Variants in SAMD5 observed in about 807,000 individuals in gnomAD.
The protein encoded by SAMD5 is sterile alpha motif domain-containing protein 5.
A neutral mutation model predicts 11.3 loss-of-function variants in SAMD5; 13 were observed. The ratio of observed to expected loss-of-function variants is 1.15; its 90% confidence interval spans 0.75 to 1.83. The LOEUF (loss-of-function observed/expected upper bound fraction) is 1.83, where lower values mean the gene tolerates loss of function less well. Ranked by LOEUF, SAMD5 falls within the 40% of genes most tolerant of loss-of-function variation. The pLI, the probability that SAMD5 is intolerant of heterozygous loss-of-function variation, is 0.00. For synonymous variants in SAMD5, 129 were observed against 111.3 expected, an observed-to-expected ratio of 1.16 and a Z score of -1.00; for missense variants, 255 against 239.1, an observed-to-expected ratio of 1.07 and a Z score of -0.44.
intron 1 of SAMD5, among the ~76,000 whole-genome samples, chr6:147,536,803 A>G (rs1788516441): frequency 6.6e-6 from 1 of 152,076 alleles, no homozygotes; most frequent in African/African-American, 2.4e-5. Flanking sequence ...TGGAATATAT[A>G]TAATAACATA....
At chr6:147,812,597 C>T in the SAMD5 span, among the ~76,000 whole-genome samples, 2 of 151,994 alleles carry the variant, frequency 1.3e-5, no homozygotes. Context: ...TTTAAAACCC[C>T]TGTCCAAGCC....
chr6:147,638,917 T>C (rs1390398002), intron 1 of SAMD5, among the ~76,000 whole-genome samples: 1 of 152,240 alleles, frequency 6.6e-6, no homozygotes, highest in Non-Finnish European at 1.5e-5. Context: ...GCTAGTGTTT[T>C]CTAATATGTT....
intron 1 of SAMD5, among the ~76,000 whole-genome samples, chr6:147,626,379 C>CT (rs879585437): frequency 0.011 from 1,617 of 146,834 alleles, 33 homozygotes; most frequent in African/African-American, 0.038. Flanking sequence ...AATTGCTTTC[C>CT]TTTTTTTTTT....
chr6:147,934,863 C>A, the SAMD5 span, among the ~76,000 whole-genome samples: 1 of 152,062 alleles, frequency 6.6e-6, no homozygotes. Context: ...GATATGTCAG[C>A]TTTTGAGTCA....
the SAMD5 span, among the ~76,000 whole-genome samples, chr6:147,898,212 A>G: frequency 1.8e-4 from 28 of 152,300 alleles, no homozygotes; most frequent in South Asian, 1.7e-3. Flanking sequence ...ACAGCGTGAT[A>G]TATGACTGCC....
chr6:147,541,344 A>C (rs1020194784), intron 1 of SAMD5, among the ~76,000 whole-genome samples: 7 of 152,216 alleles, frequency 4.6e-5, no homozygotes, highest in Admixed American at 6.5e-5. Flanking sequence ...AGTGGGCTGC[A>C]GGGGAGATCA....
chr6:147,578,964 G>A (rs376118744), intron 1 of SAMD5, among the ~76,000 whole-genome samples: 41 of 152,340 alleles, frequency 2.7e-4, no homozygotes, highest in South Asian at 1.0e-3. Context: ...AGTTCTATGC[G>A]TAGTAAATGT....
chr6:147,639,359 T>C (rs1472435295), intron 1 of SAMD5, among the ~76,000 whole-genome samples: 3 of 152,198 alleles, frequency 2.0e-5, no homozygotes, highest in Non-Finnish European at 4.4e-5. Context: ...GATATTAAAG[T>C]TTTATTCTAT....
chr6:147,908,958 C>T, the SAMD5 span, among the ~76,000 whole-genome samples: 2 of 152,118 alleles, frequency 1.3e-5, no homozygotes, highest in African/African-American at 4.8e-5. Flanking sequence ...ACTATAATCC[C>T]AGCACTTTGG....
chr6:147,637,986 G>C (rs1368154905), intron 1 of SAMD5, among the ~76,000 whole-genome samples: 1 of 151,668 alleles, frequency 6.6e-6, no homozygotes, highest in Non-Finnish European at 1.5e-5. Flanking sequence ...GAAAATTAGA[G>C]TGTGTTAGCA....
the SAMD5 span, among the ~76,000 whole-genome samples, chr6:147,923,444 G>A: frequency 1.3e-5 from 2 of 152,182 alleles, no homozygotes; most frequent in Admixed American, 1.3e-4. Flanking sequence ...CAATGAGAAT[G>A]TGCCAAGGTC....
At chr6:147,639,965 A>G (rs940296633) in intron 1 of SAMD5, among the ~76,000 whole-genome samples, 5 of 152,084 alleles carry the variant, frequency 3.3e-5, no homozygotes, top group Non-Finnish European at 7.4e-5. Flanking sequence ...TAGAGATGGG[A>G]GAAAGGAGTA....
At chr6:147,918,117 G>A in the SAMD5 span, among the ~76,000 whole-genome samples, 2 of 152,140 alleles carry the variant, frequency 1.3e-5, no homozygotes, top group South Asian at 4.1e-4. Context: ...TAGCTTGATG[G>A]GGATGGCATT....
chr6:147,693,474 G>T (rs1410992708), intron 1 of SAMD5, among the ~76,000 whole-genome samples: 2 of 152,238 alleles, frequency 1.3e-5, no homozygotes, highest in East Asian at 3.9e-4. Flanking sequence ...AAGGGGCAGA[G>T]AGGGGAGGAG....
intron 1 of SAMD5, among the ~76,000 whole-genome samples, chr6:147,618,419 C>A (rs1452663685): frequency 6.6e-6 from 1 of 152,112 alleles, no homozygotes; most frequent in African/African-American, 2.4e-5. Context: ...AGCAGATTCC[C>A]AGAGATTGGG....
the SAMD5 span, among the ~76,000 whole-genome samples, chr6:147,766,056 A>T: frequency 3.3e-5 from 5 of 151,882 alleles, no homozygotes; most frequent in Non-Finnish European, 5.9e-5. Context: ...AAAAAGAAAC[A>T]GAGACCAAGG....
the SAMD5 span, among the ~76,000 whole-genome samples, chr6:147,884,207 A>G: frequency 6.6e-6 from 1 of 152,204 alleles, no homozygotes; most frequent in South Asian, 2.1e-4. Context: ...TACAGTTGGC[A>G]AAGAGAACTG....
chr6:147,877,886 G>GCT, the SAMD5 span, among the ~76,000 whole-genome samples: 17 of 44,698 alleles, frequency 3.8e-4, no homozygotes, highest in African/African-American at 1.4e-3. Flanking sequence ...ACACACGATA[G>GCT]ATAGATAGCT....
the SAMD5 span, among the ~76,000 whole-genome samples, chr6:147,850,815 A>ATAG: frequency 1.1e-3 from 167 of 152,130 alleles, no homozygotes; most frequent in African/African-American, 3.9e-3. Context: ...CCATTTAGTC[A>ATAG]CCGAGTAGCA....
Sources: gnomAD v4.1 joint callset for allele counts (sites outside exome capture counted in the v4.1 genomes callset) on GRCh38, gnomAD v4.1.1 for gene constraint, MANE v1.5 for transcripts, NCBI Gene and HGNC (gene_info 2026-07-23, HGNC 2026-07-21) for gene names.